C10orf143: variants seen among roughly 807,000 people sequenced by gnomAD.
C10orf143 encodes uncharacterized protein C10orf143.
At chr10:130,108,424 G>A (rs746298189) in intron 1 of C10orf143, 24 of 869,774 alleles carry the variant, frequency 2.8e-5, no homozygotes, top group Middle Eastern at 2.2e-4. Context: ...AGCCTGCTAC[G>A]GAACATCCAA....
intron 3 of C10orf143, among the ~76,000 whole-genome samples, chr10:130,040,702 G>A (rs536134486): frequency 3.3e-5 from 5 of 152,282 alleles, no homozygotes; most frequent in South Asian, 4.1e-4. Context: ...GCTTGGTGGC[G>A]GGTGCCTGTA....
At chr10:130,099,973 G>A (rs1278168011) in intron 1 of C10orf143, among the ~76,000 whole-genome samples, 1 of 150,880 alleles carries the variant, frequency 6.6e-6, no homozygotes, top group Non-Finnish European at 1.5e-5. Flanking sequence ...GAGTAGCTGG[G>A]ATTACAGGCA....
At chr10:130,039,117 G>T in intron 3 of C10orf143, among the ~76,000 whole-genome samples, 1 of 151,626 alleles carries the variant, frequency 6.6e-6, no homozygotes, top group Non-Finnish European at 1.5e-5. Flanking sequence ...GTGCTGCTCT[G>T]TCACCCCAGC....
chr10:130,065,617 CTTCCCAGAATA>C lies in C10orf143; in HGVS notation c.298-1245_298-1235del, dbSNP rs1314551109. On this transcript the variant is annotated intron_variant, in intron 3 of 3. Transcript: ENST00000637128. The surrounding 1 kb of genome is among the most constrained non-coding windows in gnomAD (Gnocchi z 4.2). ...GCTGCATTTACTCAACAGGCCTGCG[CTTCCCAGAATA>C]TTCCCAGAATCACATGTGTAGCAGG... 1 of 152,202 alleles carries C rather than the reference CTTCCCAGAATA, an allele frequency of 6.6e-6. No homozygotes were observed. Among genetic ancestry groups the C allele is most frequent in the African/African-American group, 2.4e-5 (1 of 41,446 alleles). The allele number at this position is 152,202 out of a possible 1,614,324, so 9.4% of individuals were successfully genotyped here.
At chr10:130,094,044 A>G (rs1036478267) in intron 1 of C10orf143, among the ~76,000 whole-genome samples, 8 of 151,362 alleles carry the variant, frequency 5.3e-5, no homozygotes, top group African/African-American at 1.9e-4. Context: ...TAAAGTGGAT[A>G]TCACCACTGA....
At chr10:130,058,310 T>C (rs533830572) in intron 3 of C10orf143, among the ~76,000 whole-genome samples, 2 of 152,312 alleles carry the variant, frequency 1.3e-5, no homozygotes, top group East Asian at 3.9e-4. Flanking sequence ...AGCATCTGAC[T>C]GTGGACAAGT....
chr10:130,076,586 A>G (rs945380158), intron 3 of C10orf143, among the ~76,000 whole-genome samples: 6 of 152,118 alleles, frequency 3.9e-5, no homozygotes, highest in Non-Finnish European at 1.5e-5. Context: ...ATATCATCAT[A>G]TCTCCCCTCA....
chr10:130,062,541 A>G (rs1860868399), downstream of C10orf143, among the ~76,000 whole-genome samples: 2 of 152,198 alleles, frequency 1.3e-5, no homozygotes, highest in South Asian at 4.1e-4. Context: ...CAAGTTCTTC[A>G]GCTTTTGGAC....
chr10:130,054,185 T>C (rs1390515477), intron 3 of C10orf143, among the ~76,000 whole-genome samples: 1 of 152,164 alleles, frequency 6.6e-6, no homozygotes, highest in Non-Finnish European at 1.5e-5. Flanking sequence ...CCGTTTTCCC[T>C]CCCTCCAGCT....
In C10orf143 at chr10:130,106,753, G is replaced by C. The variant is rs190135923; in HGVS notation, c.69+3951C>G. 378 of 1,247,274 alleles carry C rather than the reference G, an allele frequency of 3.0e-4. 1 individual carries two copies. In the African/African-American group the frequency reaches 4.7e-3, roughly 15 times the overall value. The allele number at this position is 1,247,274 out of a possible 1,614,324, so 77.3% of individuals were successfully genotyped here. ...AAGCTGAAGTATGGAACGAACAAGT[G>C]AATGAACTTAATAAACAGAAAATAA... On this transcript the variant is annotated intron_variant, in intron 1 of 3. Coordinates refer to ENST00000637128, the MANE Select transcript of C10orf143 (RefSeq NM_001355042.2).
intron 1 of C10orf143, among the ~76,000 whole-genome samples, chr10:130,109,165 C>CA (rs139163790): frequency 0.013 from 1,917 of 152,320 alleles, 20 homozygotes; most frequent in Non-Finnish European, 0.023. Flanking sequence ...TCCTCTGACA[C>CA]ACTACTGTAG....
chr10:130,050,834 G>A (rs1405866326), intron 3 of C10orf143, among the ~76,000 whole-genome samples: 8 of 152,322 alleles, frequency 5.3e-5, no homozygotes, highest in Admixed American at 5.2e-4. Flanking sequence ...CTCCGTCTGG[G>A]GTCAGTTCCT....
At chr10:130,054,177 G>A (rs547100735) in intron 3 of C10orf143, among the ~76,000 whole-genome samples, 3 of 152,148 alleles carry the variant, frequency 2.0e-5, no homozygotes, top group Non-Finnish European at 1.5e-5. Context: ...GCAACTGCCC[G>A]TTTTCCCTCC....
chr10:130,040,242 C>T (rs1860590688), intron 3 of C10orf143, among the ~76,000 whole-genome samples: 2 of 152,202 alleles, frequency 1.3e-5, no homozygotes, highest in Admixed American at 1.3e-4. Flanking sequence ...CCAATCCCAG[C>T]TGGCCTGTTG....
intron 3 of C10orf143, chr10:130,066,201 T>C (rs1259994746): frequency 2.7e-5 from 4 of 149,990 alleles, no homozygotes; most frequent in Non-Finnish European, 5.9e-5. Context: ...TTTTTTTTTT[T>C]TTTTGAGACA....
At chr10:130,074,237 T>C (rs1373591626) in intron 3 of C10orf143, among the ~76,000 whole-genome samples, 1 of 152,176 alleles carries the variant, frequency 6.6e-6, no homozygotes, top group Non-Finnish European at 1.5e-5. Flanking sequence ...GGCAGTCCAA[T>C]GGCTTAGCCC....
intron 1 of C10orf143, among the ~76,000 whole-genome samples, chr10:130,088,090 C>A (rs534332680): frequency 6.6e-6 from 1 of 152,250 alleles, no homozygotes; most frequent in African/African-American, 2.4e-5. Context: ...AATTAACATA[C>A]CAAAGGAGCT....
intron 3 of C10orf143, among the ~76,000 whole-genome samples, chr10:130,037,668 A>G (rs1169019283): frequency 6.6e-6 from 1 of 152,224 alleles, no homozygotes; most frequent in African/African-American, 2.4e-5. Context: ...CACAGGGACA[A>G]AAATACCCCA....
intron 1 of C10orf143, chr10:130,104,655 A>G (rs139722768): frequency 6.6e-6 from 1 of 152,334 alleles, no homozygotes; most frequent in Admixed American, 6.5e-5. Flanking sequence ...AAACTTTATC[A>G]AATTAAGAGG....
Sources: gnomAD v4.1 joint callset for allele counts (sites outside exome capture counted in the v4.1 genomes callset) on GRCh38, gnomAD v4.1.1 for gene constraint, Gnocchi (gnomAD v3.1) non-coding constraint, MANE v1.5 for transcripts, NCBI Gene and HGNC (gene_info 2026-07-23, HGNC 2026-07-21) for gene names.